The following SLC39A11 variants were observed in gnomAD, a reference collection of about 807,000 sequenced individuals.
The protein encoded by SLC39A11 is zinc transporter ZIP11.
Under a neutral mutation model 36.1 loss-of-function variants are expected in SLC39A11, and 33 were observed. That is an observed-to-expected ratio of 0.91 (90% CI 0.69 to 1.22). The LOEUF is 1.22. SLC39A11 is among the 50% of genes most tolerant of loss of function. The pLI, the probability that SLC39A11 is intolerant of heterozygous loss-of-function variation, is 0.00. For synonymous variants in SLC39A11, 166 were observed against 170.3 expected (o/e 0.97, Z 0.20); for missense variants, 432 against 430.3 (o/e 1.00, Z -0.03).
intron 7 of SLC39A11, among the ~76,000 whole-genome samples, chr17:72,729,260 G>A (rs952531555): frequency 2.7e-5 from 4 of 147,712 alleles, no homozygotes; most frequent in Non-Finnish European, 6.0e-5. Context: ...TTTTTTTGAG[G>A]CACAGTCTCT....
At chr17:72,864,819 A>G (rs1031877215) in intron 5 of SLC39A11, among the ~76,000 whole-genome samples, 3 of 152,172 alleles carry the variant, frequency 2.0e-5, no homozygotes, top group African/African-American at 7.2e-5. Flanking sequence ...ATTTGTGGAA[A>G]TGTCAAGTTA....
intron 3 of SLC39A11, among the ~76,000 whole-genome samples, chr17:73,052,215 G>C (rs1306580719): frequency 6.6e-6 from 1 of 151,858 alleles, no homozygotes; most frequent in Non-Finnish European, 1.5e-5. Context: ...AGGGAATCTG[G>C]AGAATCCAGG....
At chr17:73,031,143 CATA>C (rs1313600084) in intron 4 of SLC39A11, among the ~76,000 whole-genome samples, 2 of 152,154 alleles carry the variant, frequency 1.3e-5, no homozygotes, top group African/African-American at 4.8e-5. Flanking sequence ...TGTCAGCCCT[CATA>C]ATGTGATCCA....
Position 73,027,357 on chromosome 17 carries a change from C to T in SLC39A11, c.306+4199G>A, listed in dbSNP as rs542313422. The stretch of plus-strand genomic sequence containing the variant: ...GCCTCCTCCCAGGCCCAGTAGGCTG[C>T]ACCTTCCTTGTCCACCCCCTTTTTT... On this transcript the variant is annotated intron_variant, in intron 4 of 9. Transcript: ENST00000255559. Among the ~76,000 whole-genome samples the T allele has an allele frequency of 1.9e-4, 29 of 152,354 alleles. 1 individual carries two copies. In the South Asian group the frequency reaches 5.8e-3, roughly 30 times the overall value.
chr17:72,887,259 C>T (rs1001224676), intron 5 of SLC39A11, among the ~76,000 whole-genome samples: 13 of 152,146 alleles, frequency 8.5e-5, no homozygotes, highest in African/African-American at 2.7e-4. Context: ...GGCTATCAAC[C>T]GCAGTGGAAA....
intron 6 of SLC39A11, among the ~76,000 whole-genome samples, chr17:72,783,163 A>G (rs2076386665): frequency 6.6e-6 from 1 of 151,372 alleles, no homozygotes; most frequent in Non-Finnish European, 1.5e-5. Flanking sequence ...ACCAGAAAGC[A>G]GATGATTCTC....
intron 9 of SLC39A11, among the ~76,000 whole-genome samples, chr17:72,648,539 G>A (rs563687428): frequency 4.6e-5 from 7 of 152,010 alleles, no homozygotes; most frequent in African/African-American, 1.4e-4. Flanking sequence ...ATACAAAAAC[G>A]ATAGTCTACT....
intron 6 of SLC39A11, among the ~76,000 whole-genome samples, chr17:72,841,293 T>C (rs2078796719): frequency 1.3e-5 from 2 of 152,182 alleles, no homozygotes; most frequent in African/African-American, 2.4e-5. Context: ...TAAATACAGG[T>C]AATTGCATCC....
intron 4 of SLC39A11, among the ~76,000 whole-genome samples, chr17:72,983,915 T>C (rs980098540): frequency 1.3e-5 from 2 of 152,168 alleles, no homozygotes; most frequent in Non-Finnish European, 2.9e-5. Context: ...TGGGGATCTG[T>C]GAAATCCCCA....
intron 1 of SLC39A11, chr17:73,091,707 G>A (rs1209571377): frequency 1.3e-5 from 2 of 152,182 alleles, no homozygotes; most frequent in African/African-American, 4.8e-5. Flanking sequence ...ATGGGGCTCA[G>A]AATTCCTCAC....
intron 5 of SLC39A11, among the ~76,000 whole-genome samples, chr17:72,945,134 G>A (rs766980339): frequency 6.6e-6 from 1 of 152,148 alleles, no homozygotes; most frequent in Non-Finnish European, 1.5e-5. Context: ...GCCTACCTAA[G>A]TCCCAAAATA....
chr17:72,988,959 C>T (rs1391198630), intron 4 of SLC39A11, among the ~76,000 whole-genome samples: 2 of 152,106 alleles, frequency 1.3e-5, no homozygotes, highest in South Asian at 2.1e-4. Context: ...GCCTGTCATC[C>T]GAGCACTTTG....
intron 6 of SLC39A11, among the ~76,000 whole-genome samples, chr17:72,804,088 T>C (rs938135606): frequency 2.6e-5 from 4 of 152,078 alleles, no homozygotes; most frequent in Admixed American, 2.0e-4. Context: ...CTCCGCCTCC[T>C]GGGTTCACGC....
At position 72,941,728 on chromosome 17, in the gene SLC39A11, T is replaced by C. The variant is rs116800447; in HGVS notation, c.430+6024A>G. On this transcript the variant is annotated intron_variant, in intron 5 of 9. Transcript: ENST00000255559. ...CTCATGCTGCCTGCACAGATCCCTG[T>C]CCAAGAAGGTATCTCTGCATTGTTT... 4.0e-3 allele frequency among the ~76,000 whole-genome samples: 615 copies of C among 152,242 alleles called. 4 individuals carry two copies. Among genetic ancestry groups the C allele is most frequent in the African/African-American group, 0.014 (587 of 41,524 alleles).
chr17:73,021,908 T>C (rs988111384), intron 4 of SLC39A11, among the ~76,000 whole-genome samples: 3 of 152,224 alleles, frequency 2.0e-5, no homozygotes, highest in Non-Finnish European at 4.4e-5. Context: ...ATTCCGTGCT[T>C]AAGGAGTTCC....
At chr17:72,894,662 C>A (rs1386694631) in intron 5 of SLC39A11, among the ~76,000 whole-genome samples, 2 of 116,138 alleles carry the variant, frequency 1.7e-5, no homozygotes, top group Non-Finnish European at 3.3e-5. Flanking sequence ...AGAGCAAGAC[C>A]CTGTCTCAAA....
chr17:72,648,341 AAAAAAAG>A (rs1598207468), intron 9 of SLC39A11, among the ~76,000 whole-genome samples: 1 of 117,304 alleles, frequency 8.5e-6, no homozygotes, highest in East Asian at 2.6e-4. Flanking sequence ...AAAAAAAAAA[AAAAAAAG>A]AAAAACAAAA....
At chr17:72,886,329 T>C (rs1276480444) in intron 5 of SLC39A11, among the ~76,000 whole-genome samples, 1 of 152,230 alleles carries the variant, frequency 6.6e-6, no homozygotes, top group Non-Finnish European at 1.5e-5. Context: ...ACGTTACCAC[T>C]TGAGTATTCA....
chr17:72,684,715 C>T (rs1598338259), intron 7 of SLC39A11, among the ~76,000 whole-genome samples: 1 of 152,232 alleles, frequency 6.6e-6, no homozygotes, highest in South Asian at 2.1e-4. Flanking sequence ...TGGTCCCTGA[C>T]TGAGGCTCAC....
Sources: allele counts gnomAD v4.1 joint callset (sites outside exome capture counted in the v4.1 genomes callset), GRCh38; gene constraint gnomAD v4.1.1; transcripts MANE v1.5; gene names NCBI Gene and HGNC (gene_info 2026-07-23, HGNC 2026-07-21).